ACOXL: variants seen among roughly 807,000 people sequenced by gnomAD.
ACOXL encodes acyl-coenzyme A oxidase-like protein.
In ACOXL, 70 loss-of-function variants were observed where a neutral mutation model predicts 71.9. That is an observed-to-expected ratio of 0.97 (90% CI 0.80 to 1.19). ACOXL has a LOEUF of 1.19. Ranked by LOEUF, ACOXL falls within the 50% of genes most tolerant of loss-of-function variation. The probability of loss-of-function intolerance (pLI) is 0.00; values close to 1 mark genes in which losing one functional copy is unlikely to be tolerated. For missense variants in ACOXL, 703 were observed against 736.3 expected, an observed-to-expected ratio of 0.95 and a Z score of 0.52; for synonymous variants, 253 against 281.6, an observed-to-expected ratio of 0.90 and a Z score of 1.02.
At position 110,941,861 on chromosome 2, in the gene ACOXL, A is replaced by G. The variant is rs1268755112; in HGVS notation, c.1059+8219A>G. The stretch of plus-strand genomic sequence containing the variant: ...AAGGAAAATGATACCAGATAGAAAT[A>G]TAGATTTATACAAAGGCATGAAAAG... On this transcript the variant is annotated intron_variant, in intron 12 of 17. Transcript: ENST00000439055. Among the ~76,000 whole-genome samples the G allele has an allele frequency of 2.6e-5, 4 of 152,370 alleles. 1 individual carries two copies. The highest frequency in any genetic ancestry group is 5.9e-5 in the Non-Finnish European group (4 of 68,028).
At chr2:111,076,396 T>C (rs2149952588) in intron 16 of ACOXL, among the ~76,000 whole-genome samples, 1 of 152,344 alleles carries the variant, frequency 6.6e-6, no homozygotes, top group Non-Finnish European at 1.5e-5. Context: ...CATTGTCTGA[T>C]ATTAATATAA....
chr2:110,963,389 T>A (rs1299234163), intron 12 of ACOXL, among the ~76,000 whole-genome samples: 2 of 152,222 alleles, frequency 1.3e-5, no homozygotes, highest in African/African-American at 4.8e-5. Flanking sequence ...CAAATAGTTT[T>A]TACTACCACC....
intron 10 of ACOXL, among the ~76,000 whole-genome samples, chr2:110,864,843 T>G (rs946709677): frequency 7.2e-5 from 11 of 152,244 alleles, no homozygotes; most frequent in Admixed American, 3.3e-4. Flanking sequence ...GGTTTCATCC[T>G]GAGCAGCCTC....
intron 9 of ACOXL, among the ~76,000 whole-genome samples, chr2:110,808,672 C>T (rs1447429993): frequency 1.3e-5 from 2 of 152,190 alleles, no homozygotes; most frequent in Admixed American, 6.5e-5. Flanking sequence ...GCTGGGGATG[C>T]CCCCCTTTTG....
intron 1 of ACOXL, among the ~76,000 whole-genome samples, chr2:110,760,365 C>T (rs1302252467): frequency 2.0e-5 from 3 of 152,026 alleles, no homozygotes; most frequent in African/African-American, 2.4e-5. Flanking sequence ...AGGATGGTCT[C>T]GATCTCCTGA....
At chr2:111,020,569 G>T (rs10188218) in intron 14 of ACOXL, among the ~76,000 whole-genome samples, 1,959 of 152,260 alleles carry the variant, frequency 0.013, 40 homozygotes, top group African/African-American at 0.045. Flanking sequence ...GCGGGAAGCC[G>T]TGTGTGTGTG....
At chr2:110,767,939 C>T (rs1164105313) in intron 1 of ACOXL, among the ~76,000 whole-genome samples, 1 of 133,038 alleles carries the variant, frequency 7.5e-6, no homozygotes, top group Non-Finnish European at 1.6e-5. Flanking sequence ...CACACACACA[C>T]ACACACACAC....
intron 16 of ACOXL, among the ~76,000 whole-genome samples, chr2:111,058,549 A>G (rs1279087756): frequency 6.6e-6 from 1 of 152,248 alleles, no homozygotes; most frequent in East Asian, 1.9e-4. Flanking sequence ...AAGAGACTTG[A>G]AGATTTCTGC....
chr2:110,789,629 C>T (rs1684409845), intron 3 of ACOXL, among the ~76,000 whole-genome samples: 1 of 152,150 alleles, frequency 6.6e-6, no homozygotes, highest in Non-Finnish European at 1.5e-5. Context: ...ATTGGAGTCC[C>T]ACCCTCATGA....
intron 12 of ACOXL, among the ~76,000 whole-genome samples, chr2:110,958,049 CAAAAAAAAAA>C (rs35899146): frequency 7.3e-5 from 7 of 96,120 alleles, no homozygotes; most frequent in African/African-American, 3.1e-4. Flanking sequence ...GACTCCGTCT[CAAAAAAAAAA>C]AAAAAAAAAG....
chr2:110,821,827 T>C (rs970824890), intron 9 of ACOXL, among the ~76,000 whole-genome samples: 1 of 152,208 alleles, frequency 6.6e-6, no homozygotes, highest in Non-Finnish European at 1.5e-5. Flanking sequence ...ATTTATACTT[T>C]GGGTTATAAT....
In ACOXL at chr2:111,064,456, A is replaced by AT. The variant is rs1558929820; in HGVS notation, c.1440+15168_1440+15169insT. Among the ~76,000 whole-genome samples, 2 of 151,380 alleles carry AT rather than the reference A, an allele frequency of 1.3e-5. 1 individual carries two copies. ...ATCTCAAAAAAAAAACAAAAAAAAAACAACAACTATATAGTATTTGCATAT... is the reference window on the plus strand; with the variant it reads ...ATCTCAAAAAAAAAACAAAAAAAAAATCAACAACTATATAGTATTTGCATAT... On this transcript the variant is annotated intron_variant, in intron 16 of 17. Transcript: ENST00000439055.
chr2:110,861,227 G>A (rs2148984219), intron 10 of ACOXL, among the ~76,000 whole-genome samples: 1 of 152,140 alleles, frequency 6.6e-6, no homozygotes, highest in South Asian at 2.1e-4. Flanking sequence ...CACTCATCAG[G>A]CATTTTCAGA....
chr2:110,916,032 A>G (rs192652914), intron 11 of ACOXL, among the ~76,000 whole-genome samples: 12 of 152,120 alleles, frequency 7.9e-5, no homozygotes, highest in African/African-American at 2.9e-4. Flanking sequence ...TGACTTTATT[A>G]ATTTCTTTAA....
intron 12 of ACOXL, among the ~76,000 whole-genome samples, chr2:110,957,987 T>C (rs901843097): frequency 6.7e-6 from 1 of 149,628 alleles, no homozygotes; most frequent in Non-Finnish European, 1.5e-5. Flanking sequence ...GAGGCGGAGA[T>C]TGCAGTGAGG....
rs138635316 is a variant in ACOXL, at chr2:111,083,437, A to G, written c.1441-9428A>G. ...GGGTAAAGTCCAGGAGAGATCAGCA[A>G]ACTTCCAATTGTCCACTCCCAGTGG... On this transcript the variant is annotated intron_variant, in intron 16 of 17. Transcript: ENST00000439055. Among the ~76,000 whole-genome samples the G allele has an allele frequency of 2.2e-3, 336 of 152,288 alleles. 2 individuals are homozygous for G. Among genetic ancestry groups the G allele is most frequent in the African/African-American group, 7.7e-3 (320 of 41,560 alleles).
intron 9 of ACOXL, among the ~76,000 whole-genome samples, chr2:110,830,595 G>T (rs942361487): frequency 2.6e-5 from 4 of 151,656 alleles, no homozygotes; most frequent in Non-Finnish European, 5.9e-5. Context: ...GTGCAGTGGC[G>T]CAATCTCGGC....
At position 111,048,664 on chromosome 2, in the gene ACOXL, T is replaced by G. The variant is rs151047670; in HGVS notation, c.1370-554T>G. 2.6e-4 allele frequency among the ~76,000 whole-genome samples: 40 copies of G among 152,264 alleles called. No homozygotes were observed. The East Asian group carries it at 7.7e-3, about 29-fold the overall frequency. On this transcript the variant is annotated intron_variant, in intron 15 of 17. Transcript: ENST00000439055. Reference sequence around the variant, plus strand: ...AATGGATTACTAAAACTTTTTTTTTTTCTCGTAAATCTTCTTGGGTTTCTC... The same window carrying G: ...AATGGATTACTAAAACTTTTTTTTTGTCTCGTAAATCTTCTTGGGTTTCTC...
chr2:110,989,911 A>G (rs1444878039), intron 13 of ACOXL, among the ~76,000 whole-genome samples: 1 of 152,096 alleles, frequency 6.6e-6, no homozygotes, highest in Non-Finnish European at 1.5e-5. Context: ...ATGGTGGCAC[A>G]TGCTTGTAAT....
Sources: gnomAD v4.1 joint callset for allele counts (sites outside exome capture counted in the v4.1 genomes callset) on GRCh38, gnomAD v4.1.1 for gene constraint, MANE v1.5 for transcripts, NCBI Gene and HGNC (gene_info 2026-07-23, HGNC 2026-07-21) for gene names.